Variants in TWSG1 observed in about 807,000 individuals in gnomAD.
TWSG1 encodes twisted gastrulation BMP signaling modulator 1.
Under a neutral mutation model 23.0 loss-of-function variants are expected in TWSG1, and 15 were observed. The observed-to-expected ratio is 0.65, with a 90% CI of 0.44 to 1.00. The LOEUF is 1.00. TWSG1 is among the 50% of genes least tolerant of loss of function. The pLI, the probability that TWSG1 is intolerant of heterozygous loss-of-function variation, is 0.00. For synonymous variants in TWSG1, 86 were observed against 92.8 expected (o/e 0.93, Z 0.42); for missense variants, 242 against 278.7 (o/e 0.87, Z 0.94).
chr18:9,357,148 T>C (rs1343348665), intron 2 of TWSG1, among the ~76,000 whole-genome samples: 3 of 152,216 alleles, frequency 2.0e-5, no homozygotes, highest in African/African-American at 7.2e-5. Flanking sequence ...AGTTTTGTGA[T>C]GAAACAGCTA....
In TWSG1 at chr18:9,337,239, C is replaced by T. The variant is rs762530165; in HGVS notation, c.10C>T (p.His4Tyr). 1.9e-6 allele frequency: 3 copies of T among 1,611,616 alleles called. No individual in the cohort carries two copies. Among genetic ancestry groups the T allele is most frequent in the African/African-American group, 2.7e-5 (2 of 74,906 alleles). The change falls in exon 2 of 5, where the codon CAC (histidine) becomes TAC (tyrosine). Residue 4 changes from histidine to tyrosine, a missense_variant. Physicochemically the swap from His to Tyr is moderately conservative, Grantham distance 83. Transcript: ENST00000262120. ...TCTTCTTTGAAGAAACATGAAGTTA[C>T]ACTATGTTGCTGTGCTTACTCTAGC... MKL[H>Y]YVAVLTLAIL... is the part of the protein sequence containing the mutation.
At chr18:9,388,699 T>C (rs1271530658) in intron 3 of TWSG1, among the ~76,000 whole-genome samples, 1 of 152,254 alleles carries the variant, frequency 6.6e-6, no homozygotes, top group African/African-American at 2.4e-5. Context: ...TAATGAAATA[T>C]CTGATAATGA....
At chr18:9,370,039 G>A (rs2040597219) in intron 3 of TWSG1, among the ~76,000 whole-genome samples, 1 of 152,072 alleles carries the variant, frequency 6.6e-6, no homozygotes, top group African/African-American at 2.4e-5. Context: ...TCATTGTCCA[G>A]CCAGGCGCAG....
chr18:9,343,199 T>C (rs2040453987), intron 2 of TWSG1, among the ~76,000 whole-genome samples: 1 of 104,436 alleles, frequency 9.6e-6, no homozygotes, highest in Non-Finnish European at 2.0e-5. Flanking sequence ...AATGCCCTGT[T>C]TTGTTTTTTG....
In TWSG1 at chr18:9,388,958, T is replaced by C. The variant is rs1214835618; in HGVS notation, c.224-7322T>C. 2.6e-5 allele frequency among the ~76,000 whole-genome samples: 4 copies of C among 151,554 alleles called. No individual in the cohort carries two copies. The East Asian group carries it at 5.8e-4, about 22-fold the overall frequency. ...ATTTACTAATTTTTTTGTGTGTTTG[T>C]TTTTTGGCTTTTTGTTTGTTTGTTT... On this transcript the variant is annotated intron_variant, in intron 3 of 4. Transcript: ENST00000262120.
chr18:9,378,206 A>G (rs908553416), intron 3 of TWSG1, among the ~76,000 whole-genome samples: 2 of 152,234 alleles, frequency 1.3e-5, no homozygotes, highest in Admixed American at 1.3e-4. Flanking sequence ...TACAAAAACA[A>G]AACAAGGATG....
chr18:9,353,247 T>G (rs1346756867), intron 2 of TWSG1, among the ~76,000 whole-genome samples: 2 of 152,018 alleles, frequency 1.3e-5, no homozygotes, highest in African/African-American at 4.8e-5. Flanking sequence ...ATCCCTATCC[T>G]TAAGCGATAA....
At chr18:9,347,327 A>G (rs1007692922) in intron 2 of TWSG1, among the ~76,000 whole-genome samples, 1 of 152,214 alleles carries the variant, frequency 6.6e-6, no homozygotes, top group Non-Finnish European at 1.5e-5. Flanking sequence ...AAATTTCAAT[A>G]AAGTCCAGCT....
At chr18:9,382,515 T>C (rs1374858240) in intron 3 of TWSG1, among the ~76,000 whole-genome samples, 1 of 150,254 alleles carries the variant, frequency 6.7e-6, no homozygotes, top group African/African-American at 2.5e-5. Flanking sequence ...AGAGTGAGAC[T>C]CTGTCTCAAA....
At chr18:9,335,745 C>T (rs11081472) in intron 1 of TWSG1, among the ~76,000 whole-genome samples, 13,260 of 152,234 alleles carry the variant, frequency 0.087, 801 homozygotes, top group Middle Eastern at 0.21. Context: ...AGGGTTTTCT[C>T]TTTCAAAATT....
At chr18:9,397,072 A>T (rs1275478237) in intron 4 of TWSG1, 1 of 154,578 alleles carries the variant, frequency 6.5e-6, no homozygotes, top group African/African-American at 2.4e-5. Flanking sequence ...AAAAAAAAAA[A>T]GATAAAGAGG....
intron 3 of TWSG1, among the ~76,000 whole-genome samples, chr18:9,365,444 G>A (rs2040573733): frequency 6.6e-6 from 1 of 152,208 alleles, no homozygotes; most frequent in African/African-American, 2.4e-5. Context: ...GGAGGCCAAG[G>A]CAGGCGGATC....
intron 3 of TWSG1, among the ~76,000 whole-genome samples, chr18:9,380,804 G>A (rs1287468778): frequency 1.3e-5 from 2 of 152,182 alleles, no homozygotes; most frequent in South Asian, 2.1e-4. Context: ...AGGACAGATG[G>A]TAGTGAGATT....
chr18:9,382,071 A>C (rs1419334053), intron 3 of TWSG1, among the ~76,000 whole-genome samples: 9 of 146,458 alleles, frequency 6.1e-5, no homozygotes, highest in Non-Finnish European at 1.0e-4. Context: ...ATCTTTCAAT[A>C]ATATTTTTAG....
In TWSG1 at chr18:9,337,311, A is replaced by G; in HGVS notation, c.82A>G (p.Lys28Glu). ...TWLPESLSCNKALCASDVSKC... is the reference protein window; with the variant it reads ...TWLPESLSCNEALCASDVSKC... ...GCTTCCAGAATCACTGAGCTGTAACAAAGCACTCTGTGCTAGTGATGTGAG... is the reference window on the plus strand; with the variant it reads ...GCTTCCAGAATCACTGAGCTGTAACGAAGCACTCTGTGCTAGTGATGTGAG... The change falls in exon 2 of 5, where the codon AAA (lysine) becomes GAA (glutamate). Residue 28 changes from lysine (K) to glutamate (E), a missense_variant. Transcript: ENST00000262120. The G allele has an allele frequency of 6.2e-7, 1 of 1,613,670 alleles. No individual in the cohort carries two copies. Among genetic ancestry groups the G allele is most frequent in the Non-Finnish European group, 8.5e-7 (1 of 1,179,950 alleles).
chr18:9,366,978 G>C (rs962140311), intron 3 of TWSG1, among the ~76,000 whole-genome samples: 13 of 151,952 alleles, frequency 8.6e-5, no homozygotes, highest in Admixed American at 8.5e-4. Flanking sequence ...TTGAGATAGG[G>C]TCTCTGTCAC....
At chr18:9,375,493 A>G (rs889570630) in intron 3 of TWSG1, among the ~76,000 whole-genome samples, 11 of 152,200 alleles carry the variant, frequency 7.2e-5, no homozygotes, top group African/African-American at 1.4e-4. Context: ...AGCTAACACA[A>G]TAATACAAGG....
intron 3 of TWSG1, among the ~76,000 whole-genome samples, chr18:9,393,243 A>G (rs2040720542): frequency 6.6e-6 from 1 of 152,254 alleles, no homozygotes; most frequent in Non-Finnish European, 1.5e-5. Context: ...GTATGCTTAT[A>G]TAATGCTCAC....
chr18:9,352,587 G>A (rs994854304), intron 2 of TWSG1, among the ~76,000 whole-genome samples: 2 of 152,070 alleles, frequency 1.3e-5, no homozygotes, highest in African/African-American at 4.8e-5. Flanking sequence ...CAGCTTATGG[G>A]CTTAAAACCA....
Sources: allele counts gnomAD v4.1 joint callset (sites outside exome capture counted in the v4.1 genomes callset), GRCh38; gene constraint gnomAD v4.1.1; transcripts MANE v1.5; gene names NCBI Gene and HGNC (gene_info 2026-07-23, HGNC 2026-07-21).